The following LIPI variants were observed in gnomAD, a reference collection of about 807,000 sequenced individuals.
LIPI encodes the protein lipase member I.
Under a neutral mutation model 50.6 loss-of-function variants are expected in LIPI, and 59 were observed. That is an observed-to-expected ratio of 1.16 (90% CI 0.94 to 1.45). The LOEUF (loss-of-function observed/expected upper bound fraction) is 1.45, where lower values mean the gene tolerates loss of function less well. LIPI is among the 40% of genes most tolerant of loss of function. The pLI is 0.00. For missense variants in LIPI, 586 were observed against 536.3 expected (o/e 1.09, Z -0.92); for synonymous variants, 203 against 178.2 (o/e 1.14, Z -1.11).
intron 2 of LIPI, among the ~76,000 whole-genome samples, chr21:14,187,871 C>T (rs2019510838): frequency 6.6e-6 from 1 of 152,054 alleles, no homozygotes; most frequent in Non-Finnish European, 1.5e-5. Context: ...TAAGGAAATG[C>T]AGCACAGAGA....
intron 5 of LIPI, 29 bp from the exon 6 acceptor site, chr21:14,165,419 T>C (rs1259201786): frequency 1.3e-6 from 2 of 1,520,392 alleles, no homozygotes; most frequent in Non-Finnish European, 1.8e-6. Context: ...AACAAAGAAC[T>C]GTAGATGTAT....
chr21:14,202,282 C>T (rs1488890862), intron 1 of LIPI, among the ~76,000 whole-genome samples: 1 of 151,940 alleles, frequency 6.6e-6, no homozygotes, highest in East Asian at 1.9e-4. Context: ...GATTCAATGC[C>T]ATCCCCATCA....
chr21:14,153,335 G>A (rs1342612727), intron 7 of LIPI, among the ~76,000 whole-genome samples: 2 of 152,048 alleles, frequency 1.3e-5, no homozygotes, highest in Non-Finnish European at 2.9e-5. Context: ...TTTATAATTG[G>A]ATTTTCCCCA....
intron 3 of LIPI, among the ~76,000 whole-genome samples, chr21:14,184,041 G>A (rs922349316): frequency 1.3e-5 from 2 of 152,158 alleles, no homozygotes; most frequent in South Asian, 2.1e-4. Flanking sequence ...GTTTATAGCG[G>A]CACTATTCAC....
At chr21:14,126,931 T>C (rs1025716942) in intron 9 of LIPI, among the ~76,000 whole-genome samples, 1 of 152,224 alleles carries the variant, frequency 6.6e-6, no homozygotes, top group Admixed American at 6.5e-5. Flanking sequence ...GTGGTGATTA[T>C]ATAACTCTTT....
intron 8 of LIPI, among the ~76,000 whole-genome samples, chr21:14,145,719 T>G (rs1350252783): frequency 6.6e-6 from 1 of 152,080 alleles, no homozygotes; most frequent in Non-Finnish European, 1.5e-5. Context: ...GAAAAAAAGT[T>G]TTTTAAAAAA....
intron 4 of LIPI, among the ~76,000 whole-genome samples, chr21:14,166,826 G>A (rs545399839): frequency 2.3e-4 from 35 of 152,316 alleles, no homozygotes; most frequent in East Asian, 1.2e-3. Context: ...CTGAGGTACC[G>A]GGTTCATCTC....
intron 4 of LIPI, among the ~76,000 whole-genome samples, chr21:14,175,224 G>A (rs928268671): frequency 2.0e-5 from 3 of 152,248 alleles, no homozygotes; most frequent in Non-Finnish European, 2.9e-5. Context: ...TAGATTATGA[G>A]TATCTTTGAT....
At chr21:14,129,954 C>G (rs1402924012) in intron 9 of LIPI, among the ~76,000 whole-genome samples, 1 of 152,116 alleles carries the variant, frequency 6.6e-6, no homozygotes, top group Non-Finnish European at 1.5e-5. Context: ...ATTTGTATCA[C>G]TTCTCAACAT....
intron 9 of LIPI, among the ~76,000 whole-genome samples, chr21:14,116,545 A>G (rs1020091670): frequency 1.3e-5 from 2 of 152,220 alleles, no homozygotes; most frequent in African/African-American, 4.8e-5. Flanking sequence ...TTTGATGGTG[A>G]TTATGGAATG....
At chr21:14,209,714 T>C (rs879495558) in intron 1 of LIPI, among the ~76,000 whole-genome samples, 1 of 152,034 alleles carries the variant, frequency 6.6e-6, no homozygotes, top group Non-Finnish European at 1.5e-5. Flanking sequence ...ATCAAAACAA[T>C]AATATCAGAA....
At chr21:14,121,553 G>A (rs1442158035) in intron 9 of LIPI, among the ~76,000 whole-genome samples, 1 of 152,070 alleles carries the variant, frequency 6.6e-6, no homozygotes, top group African/African-American at 2.4e-5. Flanking sequence ...TACAAGGGTG[G>A]GTAAGAGAAA....
intron 7 of LIPI, among the ~76,000 whole-genome samples, chr21:14,161,464 C>A (rs2018461367): frequency 7.6e-6 from 1 of 131,588 alleles, no homozygotes; most frequent in Non-Finnish European, 1.6e-5. Context: ...TATTATATAG[C>A]TATTATATAT....
At chr21:14,176,214 A>C (rs1415547021) in intron 4 of LIPI, among the ~76,000 whole-genome samples, 1 of 151,760 alleles carries the variant, frequency 6.6e-6, no homozygotes, top group South Asian at 2.1e-4. Flanking sequence ...GATATAAATA[A>C]ATTTTAAAAT....
intron 7 of LIPI, among the ~76,000 whole-genome samples, chr21:14,153,992 G>GA (rs1412090341): frequency 6.6e-6 from 1 of 152,050 alleles, no homozygotes; most frequent in East Asian, 1.9e-4. Context: ...ATATGGTTCT[G>GA]AAAAAAGAAA....
chr21:14,133,197 A>G (rs2017362245), intron 9 of LIPI, among the ~76,000 whole-genome samples: 1 of 152,200 alleles, frequency 6.6e-6, no homozygotes, highest in South Asian at 2.1e-4. Flanking sequence ...CCAGATAAAG[A>G]CACAACAAAA....
rs576073486 is a variant in LIPI at position 14,191,194 on chromosome 21, C to T, written c.47-1775G>A. 1.1e-3 allele frequency among the ~76,000 whole-genome samples: 172 copies of T among 151,586 alleles called. 1 individual carries two copies. The highest frequency in any genetic ancestry group is 3.9e-3 in the African/African-American group (160 of 41,356). On this transcript the variant is annotated intron_variant, in intron 1 of 9. Coordinates refer to ENST00000681601, the MANE Select transcript of LIPI (RefSeq NM_001302998.2). ...GAGATCGAGACCATCCCGGCTAAAA[C>T]GGTGAAACCCCGTCTCTACTAAAAC...
intron 9 of LIPI, among the ~76,000 whole-genome samples, chr21:14,128,007 G>GA (rs567267499): frequency 4.7e-4 from 72 of 151,806 alleles, no homozygotes; most frequent in African/African-American, 1.4e-3. Flanking sequence ...TTAACTTAGG[G>GA]AAAAAAAATG....
In LIPI at chr21:14,188,514, G is replaced by A. The variant is rs552550431; in HGVS notation, c.432+520C>T. Among the ~76,000 whole-genome samples, 3 of 133,022 alleles carry A rather than the reference G, an allele frequency of 2.3e-5. No homozygotes were observed. In the East Asian group the frequency reaches 6.4e-4, roughly 28 times the overall value. 87.3% of individuals were successfully genotyped at this position (133,022 alleles called of 152,430 possible). A position where few individuals can be genotyped will look rare whatever the true frequency, so the allele number is the denominator to read the frequency against. ...CCCTGGGAGGTGCAGGCTGCAGTGA[G>A]CCAAGATCGTGCCACTGTACTCCAG... On this transcript the variant is annotated intron_variant, in intron 2 of 9. Transcript: ENST00000681601.
Sources: gnomAD v4.1 joint callset for allele counts (sites outside exome capture counted in the v4.1 genomes callset) on GRCh38, gnomAD v4.1.1 for gene constraint, MANE v1.5 for transcripts, NCBI Gene and HGNC (gene_info 2026-07-23, HGNC 2026-07-21) for gene names.